Variants in TIMM23 observed in about 807,000 individuals in gnomAD.
TIMM23 encodes the protein translocase of inner mitochondrial membrane 23.
TIMM23 carries 19 observed loss-of-function variants against 30.7 expected under a neutral mutation model. The ratio of observed to expected loss-of-function variants is 0.62; its 90% CI spans 0.43 to 0.91. The LOEUF is 0.91. TIMM23 is among the 40% of genes least tolerant of loss of function. TIMM23 has a pLI of 0.00. For synonymous variants in TIMM23, 78 were observed against 98.5 expected, an observed-to-expected ratio of 0.79 and a Z score of 1.23; for missense variants, 202 against 269.2, an observed-to-expected ratio of 0.75 and a Z score of 1.75.
intron 6 of TIMM23, among the ~76,000 whole-genome samples, chr10:45,990,106 G>T (rs1287525205): frequency 6.7e-6 from 1 of 150,346 alleles, no homozygotes; most frequent in Non-Finnish European, 1.5e-5. Context: ...TTTCCCAAAG[G>T]CAACTTTTAA....
chr10:45,978,079 A>G (rs1409776301), intron 2 of TIMM23, among the ~76,000 whole-genome samples: 2 of 152,104 alleles, frequency 1.3e-5, no homozygotes, highest in African/African-American at 2.4e-5. Flanking sequence ...GTCCTGGCGC[A>G]GTGGCTCGTG....
chr10:46,001,513 A>G (rs1344205559), intron 6 of TIMM23, among the ~76,000 whole-genome samples: 1 of 152,168 alleles, frequency 6.6e-6, no homozygotes, highest in East Asian at 1.9e-4. Flanking sequence ...CCTTTAATCC[A>G]TCAGCTGAAG....
intron 6 of TIMM23, among the ~76,000 whole-genome samples, chr10:45,996,035 A>G (rs1459799428): frequency 6.7e-6 from 1 of 149,178 alleles, no homozygotes; most frequent in East Asian, 2.0e-4. Context: ...AGGCAAGAAT[A>G]TAGAACATGT....
chr10:45,998,393 A>G (rs1017109658), intron 6 of TIMM23: 1 of 985,232 alleles, frequency 1.0e-6, no homozygotes, highest in Non-Finnish European at 1.2e-6. Flanking sequence ...AAAATACAGG[A>G]GGTAAAACTG....
At chr10:46,002,620 A>C in intron 6 of TIMM23, 1 of 475,332 alleles carries the variant, frequency 2.1e-6, no homozygotes, top group Non-Finnish European at 2.7e-6. Flanking sequence ...ACTAGCAGGA[A>C]ACGACTGTTC....
chr10:45,996,566 T>C lies in TIMM23; in HGVS notation c.515-6637T>C, dbSNP rs1365910442. ...TAATTCAGTGAATGTTCTTTCCTTT[T>C]CTTAGAGCAGAGTTTGGTATTTTAT... On this transcript the variant is annotated intron_variant, in intron 6 of 6. Transcript: ENST00000580018. Among the ~76,000 whole-genome samples, 6 of 152,056 alleles carry C rather than the reference T, an allele frequency of 3.9e-5. No individual in the cohort carries two copies. The South Asian group carries it at 1.0e-3, about 26-fold the overall frequency.
chr10:45,991,567 CAT>C (rs1838163850), intron 6 of TIMM23, among the ~76,000 whole-genome samples: 1 of 152,074 alleles, frequency 6.6e-6, no homozygotes, highest in Admixed American at 6.5e-5. Context: ...GCCTGACCAA[CAT>C]AGAGAAATCC....
chr10:45,990,908 C>A (rs1416057855), intron 6 of TIMM23, among the ~76,000 whole-genome samples: 12 of 152,294 alleles, frequency 7.9e-5, no homozygotes, highest in African/African-American at 2.9e-4. Flanking sequence ...TAGGTCAGCT[C>A]ATTTACCATT....
In TIMM23 at chr10:45,975,468, C is replaced by T. The variant is rs1554912850; in HGVS notation, c.121C>T (p.Pro41Ser). 261 of 1,613,678 alleles carry T rather than the reference C, an allele frequency of 1.6e-4. No individual in the cohort carries two copies. Among genetic ancestry groups the T allele is most frequent in the Non-Finnish European group, 2.1e-4 (243 of 1,179,828 alleles). The change falls in exon 2 of 7, where the codon CCT becomes TCT. Residue 41 changes from proline to serine, a missense_variant. Physicochemically the swap from Pro to Ser is moderately conservative, Grantham distance 74. Transcript: ENST00000580018. ...LAGVPLTGMN[P>S]LSPYLNVDPR... ...TTTCTCTCTAGTAACTGGTATGAAC[C>T]CTCTGTCTCCTTATTTAAATGTGGA...
chr10:46,001,459 A>G (rs1838533380), intron 6 of TIMM23, among the ~76,000 whole-genome samples: 1 of 152,196 alleles, frequency 6.6e-6, no homozygotes, highest in African/African-American at 2.4e-5. Context: ...CAGGTCAGCT[A>G]TCAGAAGTCT....
chr10:46,002,780 A>G lies in TIMM23; in HGVS notation c.515-423A>G, dbSNP rs916717276. Among the ~76,000 whole-genome samples the G allele has an allele frequency of 1.5e-4, 17 of 116,964 alleles. No homozygotes were observed. The Middle Eastern group carries it at 0.014, about 99-fold the overall frequency. The allele number at this position is 116,964 out of a possible 152,430, so 76.7% of individuals were successfully genotyped here. A position where few individuals can be genotyped will look rare whatever the true frequency, so the allele number is the denominator to read the frequency against. On this transcript the variant is annotated intron_variant, in intron 6 of 6. Coordinates refer to ENST00000580018, the MANE Select transcript of TIMM23 (RefSeq NM_006327.4). ...CCTTTTTGAGATGGAATATTGATTTATTTTTAAAATGGTCTCTCCATTTCA... is the reference window on the plus strand; with the variant it reads ...CCTTTTTGAGATGGAATATTGATTTGTTTTTAAAATGGTCTCTCCATTTCA...
chr10:45,975,471 C>G lies in TIMM23; in HGVS notation c.124C>G (p.Leu42Val), dbSNP rs1342557284. The G allele has an allele frequency of 1.2e-6, 2 of 1,613,844 alleles. No individual in the cohort carries two copies. The highest frequency in any genetic ancestry group is 1.7e-6 in the Non-Finnish European group (2 of 1,179,858). Residue 42 changes from leucine to valine, a missense_variant, in exon 2 of 7, where the codon CTG becomes GTG. By Grantham distance (32) the Leu-to-Val change is conservative. Transcript: ENST00000580018. ...AGVPLTGMNPLSPYLNVDPRY... is the reference protein window; with the variant it reads ...AGVPLTGMNPVSPYLNVDPRY... ...CTCTCTAGTAACTGGTATGAACCCT[C>G]TGTCTCCTTATTTAAATGTGGATCC...
chr10:46,003,590 G>A lies in TIMM23; in HGVS notation c.*272G>A. On this transcript the variant is annotated 3_prime_UTR_variant, in exon 7 of 7. Coordinates refer to ENST00000580018, the MANE Select transcript of TIMM23 (RefSeq NM_006327.4). ...GCACGTATCTGTTTTCCTCCCCCAT[G>A]AACTAGAAAACCACTTACTCCCAGA... The A allele has an allele frequency of 3.5e-6, 1 of 284,778 alleles. No individual in the cohort carries two copies. The highest frequency in any genetic ancestry group is 2.2e-5 in the African/African-American group (1 of 45,476). 17.6% of individuals were successfully genotyped at this position (284,778 alleles called of 1,614,324 possible). A position where few individuals can be genotyped will look rare whatever the true frequency, so the allele number is the denominator to read the frequency against.
intron 6 of TIMM23, among the ~76,000 whole-genome samples, 181 bp downstream of exon 6, chr10:45,989,028 A>G (rs1370894723): frequency 6.6e-6 from 1 of 152,194 alleles, no homozygotes; most frequent in African/African-American, 2.4e-5. Context: ...ACCCATCTTA[A>G]CCATTTTTAA....
At chr10:45,979,199 T>C (rs1478667956) in intron 2 of TIMM23, among the ~76,000 whole-genome samples, 1 of 152,258 alleles carries the variant, frequency 6.6e-6, no homozygotes, top group Non-Finnish European at 1.5e-5. Context: ...AAATTTATTG[T>C]AGTCTTGGTT....
chr10:45,994,212 G>A (rs1460279378), intron 6 of TIMM23, among the ~76,000 whole-genome samples: 2 of 151,964 alleles, frequency 1.3e-5, no homozygotes, highest in Non-Finnish European at 2.9e-5. Context: ...GATAGCGGGT[G>A]CCTGTAATCC....
chr10:45,988,552 C>A (rs1838066120), intron 5 of TIMM23, among the ~76,000 whole-genome samples, 185 bp from the exon 6 acceptor site: 1 of 152,106 alleles, frequency 6.6e-6, no homozygotes, highest in African/African-American at 2.4e-5. Flanking sequence ...CTTTGTCCCT[C>A]TGAAGCTGTT....
chr10:46,000,215 T>C (rs1311559102), intron 6 of TIMM23, among the ~76,000 whole-genome samples: 2 of 152,228 alleles, frequency 1.3e-5, no homozygotes, highest in Admixed American at 1.3e-4. Context: ...CACAAGGGTA[T>C]TGATTGGGGA....
chr10:45,999,172 G>T (rs1050770239), intron 6 of TIMM23, among the ~76,000 whole-genome samples: 6 of 151,790 alleles, frequency 4.0e-5, no homozygotes, highest in African/African-American at 1.5e-4. Context: ...ACCAGGTCTG[G>T]CTTTGTTGCC....
Sources: allele counts gnomAD v4.1 joint callset (sites outside exome capture counted in the v4.1 genomes callset), GRCh38; gene constraint gnomAD v4.1.1; transcripts MANE v1.5; gene names NCBI Gene and HGNC (gene_info 2026-07-23, HGNC 2026-07-21).